YLPM1: variants seen among roughly 807,000 people sequenced by gnomAD.
YLPM1 encodes YLP motif containing 1, also known as YLP motif-containing protein 1.
In YLPM1, 99 loss-of-function variants were observed where a neutral mutation model predicts 230.0. The ratio of observed to expected loss-of-function variants is 0.43; its 90% CI spans 0.37 to 0.51. The LOEUF is 0.51. Ranked by LOEUF, YLPM1 falls within the 20% of genes least tolerant of loss-of-function variation. The pLI is 0.00. For synonymous variants in YLPM1, 984 were observed against 942.5 expected, an observed-to-expected ratio of 1.04 and a Z score of -0.81; for missense variants, 2,592 against 2,707.7, an observed-to-expected ratio of 0.96 and a Z score of 0.95.
chr14:74,773,623 A>G (rs1465642914), intron 1 of YLPM1, among the ~76,000 whole-genome samples: 1 of 151,892 alleles, frequency 6.6e-6, no homozygotes, highest in Non-Finnish European at 1.5e-5. Flanking sequence ...TGATGTTTTC[A>G]GTATTAAAAT....
At chr14:74,765,670 C>T (rs1000318046) in intron 1 of YLPM1, among the ~76,000 whole-genome samples, 3 of 152,200 alleles carry the variant, frequency 2.0e-5, no homozygotes, top group African/African-American at 7.2e-5. Context: ...CATTTATATT[C>T]TCACTCTACT....
In YLPM1 at chr14:74,763,404, G is replaced by C; in HGVS notation, c.-86G>C. 8 of 1,370,828 alleles carry C rather than the reference G, an allele frequency of 5.8e-6. No individual in the cohort carries two copies. Among genetic ancestry groups the C allele is most frequent in the Non-Finnish European group, 7.6e-6 (8 of 1,054,492 alleles). 84.9% of individuals were successfully genotyped at this position (1,370,828 alleles called of 1,614,324 possible). A position where few individuals can be genotyped will look rare whatever the true frequency, so the allele number is the denominator to read the frequency against. ...GGGGCCTGTAGGCGCCGCGAGTTCC[G>C]GCTGTCGCCGTCGCCGCCGCGGCTC... On this transcript the variant is annotated 5_prime_UTR_variant, in exon 1 of 21. Coordinates refer to ENST00000325680, the MANE Select transcript of YLPM1 (RefSeq NM_019589.3).
intron 10 of YLPM1, among the ~76,000 whole-genome samples, chr14:74,812,265 A>C (rs1438710565): frequency 6.6e-6 from 1 of 152,222 alleles, no homozygotes; most frequent in African/African-American, 2.4e-5. Flanking sequence ...AGGCTCTCCT[A>C]AGATGGTATA....
At chr14:74,772,529 T>G (rs1264580439) in intron 1 of YLPM1, among the ~76,000 whole-genome samples, 1 of 152,046 alleles carries the variant, frequency 6.6e-6, no homozygotes, top group Non-Finnish European at 1.5e-5. Context: ...CAGCTAAGTT[T>G]TGTATTTTTA....
At chr14:74,820,976 C>T in intron 16 of YLPM1, 81 bp from the exon 17 acceptor site, 1 of 1,357,566 alleles carries the variant, frequency 7.4e-7, no homozygotes, top group African/African-American at 1.5e-5. Context: ...CAACTGTATT[C>T]ATTCCAGATC....
intron 5 of YLPM1, 68 bp from the exon 6 acceptor site, chr14:74,802,488 T>C (rs2091337678): frequency 2.0e-6 from 3 of 1,505,156 alleles, no homozygotes; most frequent in Admixed American, 4.7e-5. Flanking sequence ...TAATTAAATA[T>C]TAATTGTAGT....
intron 18 of YLPM1, chr14:74,828,134 C>CAAAAATTTTAAT: frequency 2.3e-6 from 1 of 432,788 alleles, no homozygotes; most frequent in Non-Finnish European, 3.1e-6. Context: ...CGTAAACTCA[C>CAAAAATTTTAAT]CCTTTCTGCC....
intron 5 of YLPM1, among the ~76,000 whole-genome samples, chr14:74,802,115 G>A (rs2091332522): frequency 1.3e-5 from 2 of 151,802 alleles, no homozygotes; most frequent in Admixed American, 6.6e-5. Context: ...CTACTCGGGA[G>A]GCTGAGGCAG....
chr14:74,773,918 A>G (rs528718400), intron 1 of YLPM1, among the ~76,000 whole-genome samples: 2 of 151,762 alleles, frequency 1.3e-5, no homozygotes, highest in Non-Finnish European at 2.9e-5. Flanking sequence ...GCGAGGTTTC[A>G]CCGTGTTGGC....
intron 4 of YLPM1, among the ~76,000 whole-genome samples, chr14:74,795,431 G>T (rs2091250257): frequency 6.6e-6 from 1 of 152,136 alleles, no homozygotes; most frequent in African/African-American, 2.4e-5. Flanking sequence ...GAAAGAAAAA[G>T]CCTCCTAGCA....
At chr14:74,791,170 A>T (rs927879195) in intron 4 of YLPM1, among the ~76,000 whole-genome samples, 2 of 152,176 alleles carry the variant, frequency 1.3e-5, no homozygotes, top group African/African-American at 2.4e-5. Flanking sequence ...CGGGGGACTG[A>T]GGTGGGAGGA....
intron 5 of YLPM1, 131 bp from the exon 6 acceptor site, chr14:74,802,425 G>A (rs2091336653): frequency 4.1e-6 from 4 of 977,012 alleles, no homozygotes; most frequent in South Asian, 4.1e-5. Flanking sequence ...GCTGCTCAGT[G>A]TATGGCCACT....
Position 74,798,944 on chromosome 14 carries a change from A to G in YLPM1, c.3647A>G (p.Glu1216Gly), listed in dbSNP as rs1431152981. 2 of 1,613,768 alleles carry G rather than the reference A, an allele frequency of 1.2e-6. No individual in the cohort carries two copies. The highest frequency in any genetic ancestry group is 1.3e-5 in the African/African-American group (1 of 74,896). ...GGTAGAAATGCTCCAATGGAACGAG[A>G]AAGACTCGATGACTGGGATAGAGAG... is the stretch of plus-strand genomic sequence containing the variant. ...LDGRNAPMER[E>G]RLDDWDRERY... Residue 1216 changes from glutamate to glycine, a missense_variant, in exon 5 of 21, where the codon GAA (glutamate) becomes GGA (glycine). Physicochemically the swap from Glu to Gly is moderately conservative, Grantham distance 98. Coordinates refer to ENST00000325680, the MANE Select transcript of YLPM1 (RefSeq NM_019589.3).
Position 74,835,811 on chromosome 14 carries a change from G to A in YLPM1, c.*73G>A, listed in dbSNP as rs374448571. ...TGAGGTGGTCTGAAGCCAAGGCCTC[G>A]CGGAGCTTCTTTGTGTGTCACCTTG... is the stretch of plus-strand genomic sequence containing the variant. On this transcript the variant is annotated 3_prime_UTR_variant, in exon 21 of 21. Coordinates refer to ENST00000325680, the MANE Select transcript of YLPM1 (RefSeq NM_019589.3). 6.6e-6 allele frequency: 3 copies of A among 456,752 alleles called. No homozygotes were observed. Among genetic ancestry groups the A allele is most frequent in the African/African-American group, 4.0e-5 (2 of 49,988 alleles). 28.3% of individuals were successfully genotyped at this position (456,752 alleles called of 1,614,324 possible). A position where few individuals can be genotyped will look rare whatever the true frequency, so the allele number is the denominator to read the frequency against.
At chr14:74,813,829 C>T (rs529996485) in intron 11 of YLPM1, among the ~76,000 whole-genome samples, 13 of 152,202 alleles carry the variant, frequency 8.5e-5, no homozygotes, top group African/African-American at 2.6e-4. Flanking sequence ...TCCTGCAATA[C>T]CACTGAATTC....
At chr14:74,824,584 C>A (rs908749933) in intron 18 of YLPM1, among the ~76,000 whole-genome samples, 3 of 151,942 alleles carry the variant, frequency 2.0e-5, no homozygotes, top group Non-Finnish European at 2.9e-5. Context: ...AAAATCTATT[C>A]TTTTATATTA....
intron 16 of YLPM1, among the ~76,000 whole-genome samples, chr14:74,818,948 T>C (rs1010470396): frequency 1.3e-5 from 2 of 152,190 alleles, no homozygotes; most frequent in Non-Finnish European, 2.9e-5. Context: ...GGTTAAACAT[T>C]AGCGGGAATG....
In YLPM1 at chr14:74,809,651, A is replaced by G. The variant is rs1467364300; in HGVS notation, c.4793A>G (p.Glu1598Gly). 2 of 1,613,952 alleles carry G rather than the reference A, an allele frequency of 1.2e-6. No homozygotes were observed. Among genetic ancestry groups the G allele is most frequent in the Admixed American group, 3.3e-5 (2 of 60,008 alleles). The change falls in exon 7 of 21, where the codon GAA becomes GGA. Residue 1598 changes from glutamate to glycine, a missense_variant. Physicochemically the swap from Glu to Gly is moderately conservative, Grantham distance 98. This residue lies in a region of YLPM1 where 403 missense variants were observed against 426.7 expected (regional missense o/e 0.94). Transcript: ENST00000325680. ...EQGLNSEFKS[E>G]TAAIPSAPVL... The stretch of plus-strand genomic sequence containing the variant: ...GGACTGAATTCAGAATTTAAGTCAG[A>G]AACTGCAGCAATTCCATCTGCTCCA...
intron 18 of YLPM1, among the ~76,000 whole-genome samples, chr14:74,826,536 A>G (rs1345102958): frequency 1.3e-5 from 2 of 152,202 alleles, no homozygotes; most frequent in African/African-American, 4.8e-5. Context: ...TTGATTCACA[A>G]ATGAGTCTGC....
Sources: allele counts gnomAD v4.1 joint callset (sites outside exome capture counted in the v4.1 genomes callset), GRCh38; gene constraint gnomAD v4.1.1; regional missense constraint gnomAD v4.1.1; transcripts MANE v1.5; gene names NCBI Gene and HGNC (gene_info 2026-07-23, HGNC 2026-07-21).